Variants in SVIL observed in about 807,000 individuals in gnomAD.
The protein encoded by SVIL is supervillin, also known as archvillin.
Under a neutral mutation model 240.4 loss-of-function variants are expected in SVIL, and 101 were observed. The observed-to-expected ratio is 0.42, with a 90% CI of 0.36 to 0.50. The LOEUF is 0.50. Ranked by LOEUF, SVIL falls within the 20% of genes least tolerant of loss-of-function variation. The probability of loss-of-function intolerance (pLI) is 0.01; values close to 1 mark genes in which losing one functional copy is unlikely to be tolerated. For synonymous variants in SVIL, 999 were observed against 1,100.0 expected (o/e 0.91, Z 1.82); for missense variants, 2,512 against 2,818.7 (o/e 0.89, Z 2.46).
chr10:29,645,441 G>A (rs1958623977), intron 3 of SVIL, among the ~76,000 whole-genome samples: 1 of 152,176 alleles, frequency 6.6e-6, no homozygotes, highest in East Asian at 1.9e-4. Flanking sequence ...GTGGTGGCGG[G>A]CTCTTGTAGT....
chr10:29,551,301 A>C, intron 5 of SVIL, 38 bp from the exon 6 acceptor site: 1 of 1,525,918 alleles, frequency 6.6e-7, no homozygotes, highest in Non-Finnish European at 8.8e-7. Flanking sequence ...TGCAGATTTC[A>C]AGTAAAGACA....
chr10:29,705,259 G>C (rs145575919), intron 1 of SVIL, among the ~76,000 whole-genome samples: 2 of 152,142 alleles, frequency 1.3e-5, no homozygotes, highest in Non-Finnish European at 2.9e-5. Context: ...ATAAAGGTGT[G>C]TGTGGTTGGC....
Position 29,458,153 on chromosome 10 carries a change from T to G in SVIL, c.*94A>C, listed in dbSNP as rs762310751. ...CTGAAAACTCTGATTGAAAAATACT[T>G]TGTGAAAAACACCAGTCCAAAAATA... On this transcript the variant is annotated 3_prime_UTR_variant, in exon 38 of 38. Transcript: ENST00000355867. The G allele has an allele frequency of 1.3e-4, 157 of 1,204,386 alleles. 1 individual carries two copies. Among genetic ancestry groups the G allele is most frequent in the Admixed American group, 3.4e-4 (15 of 43,634 alleles). The allele number at this position is 1,204,386 out of a possible 1,614,324, so 74.6% of individuals were successfully genotyped here.
intron 3 of SVIL, among the ~76,000 whole-genome samples, chr10:29,562,035 T>G (rs1306355856): frequency 2.0e-5 from 3 of 152,048 alleles, no homozygotes. Flanking sequence ...AATTCGTCAG[T>G]GGGACTTTTT....
chr10:29,608,869 TG>T (rs1244940958), intron 1 of SVIL, among the ~76,000 whole-genome samples: 5 of 152,204 alleles, frequency 3.3e-5, no homozygotes, highest in African/African-American at 1.2e-4. Flanking sequence ...GCCTGAAGCC[TG>T]GGGGCTCAGC....
intron 34 of SVIL, among the ~76,000 whole-genome samples, chr10:29,464,989 G>A (rs1222087420): frequency 1.3e-5 from 2 of 152,156 alleles, no homozygotes; most frequent in African/African-American, 4.8e-5. Flanking sequence ...ACTTGGTATG[G>A]CAGACCCTGT....
intron 30 of SVIL, among the ~76,000 whole-genome samples, chr10:29,472,884 T>G (rs1253284841): frequency 1.3e-5 from 2 of 152,074 alleles, no homozygotes; most frequent in Non-Finnish European, 2.9e-5. Context: ...AGGGATAAAG[T>G]GCAGGGACTG....
At chr10:29,516,561 C>T (rs1950215297) in intron 16 of SVIL, among the ~76,000 whole-genome samples, 1 of 152,214 alleles carries the variant, frequency 6.6e-6, no homozygotes. Context: ...GACGTCTGGG[C>T]CTACGCAGGA....
At chr10:29,718,446 C>T (rs1963770863) in intron 1 of SVIL, among the ~76,000 whole-genome samples, 1 of 152,098 alleles carries the variant, frequency 6.6e-6, no homozygotes, top group African/African-American at 2.4e-5. Context: ...CCTGGCTACT[C>T]GAAGTAGTCT....
chr10:29,724,795 G>A (rs571505961), intron 1 of SVIL, among the ~76,000 whole-genome samples: 1 of 152,200 alleles, frequency 6.6e-6, no homozygotes, highest in African/African-American at 2.4e-5. Flanking sequence ...GCTGAGGTGG[G>A]TGGATCGCTT....
At chr10:29,480,513 A>C (rs368135892) in intron 29 of SVIL, 24 bp downstream of exon 29, 54 of 1,606,746 alleles carry the variant, frequency 3.4e-5, no homozygotes, top group Non-Finnish European at 4.3e-5. Context: ...TTTCAGCTGG[A>C]AAAAACCACA....
intron 1 of SVIL, among the ~76,000 whole-genome samples, chr10:29,585,085 C>CTTT (rs142015712): frequency 3.9e-4 from 52 of 132,416 alleles, no homozygotes; most frequent in South Asian, 2.6e-3. Context: ...TATTCTTCTT[C>CTTT]CTTTTTTTTT....
At chr10:29,693,408 G>A (rs1017534230) in intron 1 of SVIL, among the ~76,000 whole-genome samples, 5 of 152,138 alleles carry the variant, frequency 3.3e-5, no homozygotes, top group Non-Finnish European at 4.4e-5. Context: ...TCACAGGCAC[G>A]CATACATAGA....
At chr10:29,648,455 T>C (rs988209010) in intron 3 of SVIL, among the ~76,000 whole-genome samples, 3 of 151,052 alleles carry the variant, frequency 2.0e-5, no homozygotes, top group Non-Finnish European at 4.4e-5. Context: ...TGATGGGAAA[T>C]GTTGTCAGTG....
chr10:29,653,953 G>A (rs1054761646), intron 3 of SVIL, among the ~76,000 whole-genome samples: 3 of 151,988 alleles, frequency 2.0e-5, no homozygotes, highest in African/African-American at 7.3e-5. Context: ...CTTAATTACT[G>A]TAGTTTTGTA....
At chr10:29,718,219 G>A (rs545291423) in intron 1 of SVIL, among the ~76,000 whole-genome samples, 16 of 151,960 alleles carry the variant, frequency 1.1e-4, no homozygotes, top group Admixed American at 3.9e-4. Flanking sequence ...CCAGCTGCTC[G>A]GGAGGCTGAG....
Position 29,488,709 on chromosome 10 carries a change from T to G in SVIL, c.4240A>C (p.Ser1414Arg). The change falls in exon 23 of 38, where the codon AGT becomes CGT. Residue 1414 changes from serine (S) to arginine (R), a missense_variant. By Grantham distance (110) the Ser-to-Arg change is moderately radical. Around this residue, in one of 3 missense-constraint regions of SVIL, gnomAD observed 272 missense variants for 406.8 expected, o/e 0.67. Transcript: ENST00000355867. ...CTGACGTTGCTGAAGTTTTCTTTAC[T>G]GGCTAAACCCGCCAGGGTGACTTCT... is the stretch of plus-strand genomic sequence containing the variant. The part of the protein sequence containing the change: ...FSEVTLAGLA[S>R]KENFSNVSLR... 6.2e-7 allele frequency: 1 copy of G among 1,613,066 alleles called. No individual in the cohort carries two copies. The highest frequency in any genetic ancestry group is 8.5e-7 in the Non-Finnish European group (1 of 1,179,618).
intron 1 of SVIL, among the ~76,000 whole-genome samples, chr10:29,716,086 G>A (rs962474245): frequency 2.6e-5 from 4 of 152,182 alleles, no homozygotes; most frequent in African/African-American, 4.8e-5. Flanking sequence ...TGTAGCAGAT[G>A]AGTCTACAAA....
At position 29,484,849 on chromosome 10, in the gene SVIL, A is replaced by G. The variant is rs1947241123; in HGVS notation, c.4780-18T>C. 5 of 1,588,826 alleles carry G rather than the reference A, an allele frequency of 3.1e-6. No homozygotes were observed. Among genetic ancestry groups the G allele is most frequent in the Non-Finnish European group, 4.3e-6 (5 of 1,167,526 alleles). On this transcript the variant is annotated intron_variant, in intron 26 of 37. Transcript: ENST00000355867. The surrounding 1 kb of genome is among the most constrained non-coding windows in gnomAD (Gnocchi z 4.7). ...ACCAGTACCTGGGAGAAATGGCACA[A>G]AAGAATTTGTTAACTTCAAGAACAT...
Sources: allele counts gnomAD v4.1 joint callset (sites outside exome capture counted in the v4.1 genomes callset), GRCh38; gene constraint gnomAD v4.1.1; regional missense constraint gnomAD v4.1.1; non-coding constraint Gnocchi (gnomAD v3.1); transcripts MANE v1.5; gene names NCBI Gene and HGNC (gene_info 2026-07-23, HGNC 2026-07-21).